The following KMT2E variants were observed in gnomAD, a reference collection of about 807,000 sequenced individuals.
KMT2E encodes the protein lysine methyltransferase 2E (inactive), also known as histone reader KMT2E.
KMT2E carries 30 observed loss-of-function variants against 184.6 expected under a neutral mutation model. The observed-to-expected ratio is 0.16, with a 90% CI of 0.12 to 0.22. The LOEUF is 0.22. Ranked by LOEUF, KMT2E falls within the 10% of genes least tolerant of loss-of-function variation. The pLI is 1.00. For missense variants in KMT2E, 2,023 were observed against 2,237.4 expected (o/e 0.90, Z 1.93); for synonymous variants, 815 against 776.5 (o/e 1.05, Z -0.82).
chr7:105,083,290 T>G lies in KMT2E; in HGVS notation c.1358+1493T>G, dbSNP rs144273836. 2.2e-4 allele frequency among the ~76,000 whole-genome samples: 33 copies of G among 152,312 alleles called. 2 individuals carry two copies. Among genetic ancestry groups the G allele is most frequent in the African/African-American group, 7.5e-4 (31 of 41,574 alleles). On this transcript the variant is annotated intron_variant, in intron 13 of 26. Coordinates refer to ENST00000311117, the MANE Select transcript of KMT2E (RefSeq NM_182931.3). Reference sequence around the variant, plus strand: ...AGTGTTGACATTCTTTTCCATAGAGTACTGTGTGTAATGAGCCTTAAAGGC... The same window carrying G: ...AGTGTTGACATTCTTTTCCATAGAGGACTGTGTGTAATGAGCCTTAAAGGC...
In KMT2E at chr7:105,112,020, C is replaced by G. The variant is rs755235345; in HGVS notation, c.4264C>G (p.Arg1422Gly). 1 of 1,614,050 alleles carries G rather than the reference C, an allele frequency of 6.2e-7. No homozygotes were observed. The highest frequency in any genetic ancestry group is 1.3e-5 in the African/African-American group (1 of 74,930). ...SKNHPPQTHV[R>G]NSSEQLSQKL... Reference sequence around the variant, plus strand: ...GAATCATCCTCCTCAGACACACGTTCGTAATTCATCTGAGCAACTTTCACA... The same window carrying G: ...GAATCATCCTCCTCAGACACACGTTGGTAATTCATCTGAGCAACTTTCACA... Residue 1422 changes from arginine to glycine, a missense_variant, in exon 27 of 27, where the codon CGT (arginine) becomes GGT (glycine). By Grantham distance (125) the Arg-to-Gly change is moderately radical. Coordinates refer to ENST00000311117, the MANE Select transcript of KMT2E (RefSeq NM_182931.3).
At chr7:105,088,531 A>C (rs1798077829) in intron 13 of KMT2E, among the ~76,000 whole-genome samples, 2 of 152,250 alleles carry the variant, frequency 1.3e-5, no homozygotes, top group Admixed American at 6.5e-5. Context: ...CAACTACTTA[A>C]AACATGCAAA....
chr7:105,112,141 A>T lies in KMT2E; in HGVS notation c.4385A>T (p.His1462Leu), dbSNP rs1336869542. Reference protein sequence around the residue: ...KSSTPHTPVQHGYLSPKPPSQ... With the variant: ...KSSTPHTPVQLGYLSPKPPSQ... ...TCCACGCCTCACACACCTGTACAGC[A>T]TGGTTATCTTTCACCAAAGCCTCCT... The change falls in exon 27 of 27, where the codon CAT (histidine) becomes CTT (leucine). Residue 1462 changes from histidine (H) to leucine (L), a missense_variant. Physicochemically the swap from His to Leu is moderately conservative, Grantham distance 99. Around this residue, in one of 8 missense-constraint regions of KMT2E, gnomAD observed 1,108 missense variants for 1,050.9 expected, o/e 1.05. Transcript: ENST00000311117. 11 of 1,614,180 alleles carry T rather than the reference A, an allele frequency of 6.8e-6. No homozygotes were observed. Among genetic ancestry groups the T allele is most frequent in the Non-Finnish European group, 7.6e-6 (9 of 1,180,028 alleles).
intron 1 of KMT2E, among the ~76,000 whole-genome samples, chr7:105,021,935 A>G (rs10261573): frequency 0.27 from 41,017 of 151,998 alleles, 8,084 homozygotes; most frequent in East Asian, 0.58. Context: ...CTTGAATAGT[A>G]CAAATAACTC....
In KMT2E at chr7:105,090,527, T is replaced by C. The variant is rs376200719; in HGVS notation, c.1623+254T>C. Among the ~76,000 whole-genome samples, 6 of 152,304 alleles carry C rather than the reference T, an allele frequency of 3.9e-5. No homozygotes were observed. The South Asian group carries it at 1.2e-3, about 32-fold the overall frequency. On this transcript the variant is annotated intron_variant, in intron 14 of 26. Coordinates refer to ENST00000311117, the MANE Select transcript of KMT2E (RefSeq NM_182931.3). Reference sequence around the variant, plus strand: ...AGATTTTCCTAAGACTAGATAACTTTTAAAAATCTTCTAGATGGCACTTTA... The same window carrying C: ...AGATTTTCCTAAGACTAGATAACTTCTAAAAATCTTCTAGATGGCACTTTA...
intron 4 of KMT2E, 107 bp downstream of exon 4, chr7:105,062,385 T>C (rs1432610724): frequency 3.3e-6 from 2 of 614,362 alleles, no homozygotes; most frequent in Non-Finnish European, 5.5e-6. Flanking sequence ...CATGGTTGTT[T>C]CATACTATCA....
At chr7:105,032,026 A>T (rs559528640) in intron 1 of KMT2E, among the ~76,000 whole-genome samples, 1 of 135,810 alleles carries the variant, frequency 7.4e-6, no homozygotes, top group Non-Finnish European at 1.5e-5. Flanking sequence ...AAATCACACT[A>T]CTGCACTCCA....
intron 3 of KMT2E, among the ~76,000 whole-genome samples, chr7:105,055,409 G>A (rs1796539400): frequency 6.6e-6 from 1 of 151,950 alleles, no homozygotes; most frequent in Non-Finnish European, 1.5e-5. Context: ...TGGATACGCA[G>A]GGTTCTTCTT....
At chr7:105,099,980 CA>C (rs1003301191) in intron 15 of KMT2E, among the ~76,000 whole-genome samples, 2 of 152,006 alleles carry the variant, frequency 1.3e-5, no homozygotes, top group Non-Finnish European at 2.9e-5. Flanking sequence ...TTTAAAAGCC[CA>C]AAAATAAGGA....
chr7:105,111,256 A>ATAATC (rs1799246589), intron 26 of KMT2E: 1 of 189,250 alleles, frequency 5.3e-6, no homozygotes, highest in African/African-American at 2.4e-5. Context: ...TGAAGATGTA[A>ATAATC]TAATCTAGTA....
At chr7:105,071,608 A>ATATATATATATATATT (rs1304883029) in intron 6 of KMT2E, among the ~76,000 whole-genome samples, 1 of 31,880 alleles carries the variant, frequency 3.1e-5, no homozygotes, top group Non-Finnish European at 5.3e-5. Context: ...ATATATATAT[A>ATATATATATATATATT]TTTTTTTTTT....
At chr7:105,028,777 T>C (rs1348057488) in intron 1 of KMT2E, among the ~76,000 whole-genome samples, 1 of 152,032 alleles carries the variant, frequency 6.6e-6, no homozygotes, top group Non-Finnish European at 1.5e-5. Context: ...GTGCTGAGAT[T>C]ACAAGTGTGA....
rs557801781 is a variant in KMT2E at position 105,107,602 on chromosome 7, C to T, written c.3145C>T (p.Pro1049Ser). 18 of 1,614,068 alleles carry T rather than the reference C, an allele frequency of 1.1e-5. No homozygotes were observed. Among genetic ancestry groups the T allele is most frequent in the South Asian group, 8.8e-5 (8 of 91,064 alleles). Reference protein sequence around the residue: ...LETPAHDRAEPNSQLDSTHSG... With the variant: ...LETPAHDRAESNSQLDSTHSG... ...AACGCCTGCACATGACAGGGCTGAGCCCAACAGCCAACTGGACTCGACTCA... is the reference window on the plus strand; with the variant it reads ...AACGCCTGCACATGACAGGGCTGAGTCCAACAGCCAACTGGACTCGACTCA... The change falls in exon 22 of 27, where the codon CCC (proline) becomes TCC (serine). Residue 1049 changes from proline to serine, a missense_variant. Transcript: ENST00000311117.
intron 4 of KMT2E, 47 bp from the exon 5 acceptor site, chr7:105,063,304 T>C: frequency 1.5e-6 from 2 of 1,326,280 alleles, no homozygotes; most frequent in Non-Finnish European, 2.1e-6. Flanking sequence ...TTTATATCAT[T>C]GTTGAAATTA....
Position 105,113,185 on chromosome 7 carries a change from G to T in KMT2E, c.5429G>T (p.Gly1810Val), listed in dbSNP as rs1488819086. 1 of 1,614,020 alleles carries T rather than the reference G, an allele frequency of 6.2e-7. No homozygotes were observed. The highest frequency in any genetic ancestry group is 1.3e-5 in the African/African-American group (1 of 74,908). Reference protein sequence around the residue: ...PNSIPTPTASGFCPHPGSVAL... With the variant: ...PNSIPTPTASVFCPHPGSVAL... ...AGTATTCCAACACCTACTGCTTCAGGGTTCTGTCCTCATCCTGGCTCTGTG... is the reference window on the plus strand; with the variant it reads ...AGTATTCCAACACCTACTGCTTCAGTGTTCTGTCCTCATCCTGGCTCTGTG... Residue 1810 changes from glycine to valine, a missense_variant, in exon 27 of 27, where the codon GGG becomes GTG. Coordinates refer to ENST00000311117, the MANE Select transcript of KMT2E (RefSeq NM_182931.3).
In KMT2E at chr7:105,112,418, G is replaced by A. The variant is rs757593144; in HGVS notation, c.4662G>A (p.Ser1554=). 52 of 1,612,480 alleles carry A rather than the reference G, an allele frequency of 3.2e-5. No individual in the cohort carries two copies. The highest frequency in any genetic ancestry group is 6.7e-5 in the East Asian group (3 of 44,788). Residue 1554 remains serine, a synonymous_variant, in exon 27 of 27, where the codon TCG becomes TCA. Coordinates refer to ENST00000311117, the MANE Select transcript of KMT2E (RefSeq NM_182931.3). ...PPPPPPPPPS[S]SYYQNQQPSA... The stretch of plus-strand genomic sequence containing the variant: ...CTCCACCTCCTCCACCTCCTTCTTC[G>A]TCTTACTATCAAAACCAGCAGCCCT...
chr7:105,101,690 G>T, intron 16 of KMT2E, 101 bp downstream of exon 16: 1 of 1,078,992 alleles, frequency 9.3e-7, no homozygotes. Context: ...ATGTCTATTA[G>T]CTTTTTAATA....
chr7:105,076,193 G>C (rs1797519841), intron 9 of KMT2E, 112 bp downstream of exon 9: 1 of 736,952 alleles, frequency 1.4e-6, no homozygotes, highest in African/African-American at 1.8e-5. Flanking sequence ...TCATGTCTTT[G>C]CCTATTATCT....
At chr7:105,106,142 C>T (rs968910171) in intron 19 of KMT2E, 139 bp downstream of exon 19, 7 of 915,520 alleles carry the variant, frequency 7.6e-6, no homozygotes, top group Non-Finnish European at 1.1e-5. Context: ...CTTTTCTGTC[C>T]TCTGTATTTT....
Sources: allele counts gnomAD v4.1 joint callset (sites outside exome capture counted in the v4.1 genomes callset), GRCh38; gene constraint gnomAD v4.1.1; regional missense constraint gnomAD v4.1.1; transcripts MANE v1.5; gene names NCBI Gene and HGNC (gene_info 2026-07-23, HGNC 2026-07-21).